Variants in PCDHB10 observed in about 807,000 individuals in gnomAD.
PCDHB10 encodes the protein protocadherin beta 10, also known as protocadherin beta-10.
For missense variants in PCDHB10, 1,046 were observed against 1,004.7 expected, an observed-to-expected ratio of 1.04 and a Z score of -0.56; for synonymous variants, 448 against 449.2, an observed-to-expected ratio of 1.00 and a Z score of 0.04.
rs1554284043 is a variant in PCDHB10 at position 141,193,358 on chromosome 5, T to C, written c.806T>C (p.Val269Ala). The C allele has an allele frequency of 4.3e-6, 7 of 1,614,086 alleles. No individual in the cohort carries two copies. Among genetic ancestry groups the C allele is most frequent in the Non-Finnish European group, 5.9e-6 (7 of 1,180,048 alleles). ...ATTGTTAAGGTATGGGCAGAAGATG[T>C]AGACTCTGGAGTCAACGCGGAAGTA... is the stretch of plus-strand genomic sequence containing the variant. The part of the protein sequence containing the change: ...FLIVKVWAED[V>A]DSGVNAEVSY... The change falls in exon 1 of 1, where the codon GTA becomes GCA. Residue 269 changes from valine (V) to alanine (A), a missense_variant. Physicochemically the swap from Val to Ala is moderately conservative, Grantham distance 64 (BLOSUM62 0). Coordinates refer to ENST00000239446, the MANE Select transcript of PCDHB10 (RefSeq NM_018930.4).
Position 141,194,686 on chromosome 5 carries a change from G to T in PCDHB10, c.2134G>T (p.Ala712Ser), listed in dbSNP as rs782531519. Residue 712 changes from alanine (A) to serine (S), a missense_variant, in exon 1 of 1, where the codon GCG becomes TCG. Coordinates refer to ENST00000239446, the MANE Select transcript of PCDHB10 (RefSeq NM_018930.4). ...LFLLSVLLFVAVRLCRRSRAA... is the reference protein window; with the variant it reads ...LFLLSVLLFVSVRLCRRSRAA... ...CCTCCTCTCGGTGCTCCTGTTCGTG[G>T]CGGTGCGGCTGTGCAGGAGGAGCAG... The T allele has an allele frequency of 2.1e-5, 34 of 1,607,628 alleles. No individual in the cohort carries two copies. The Admixed American group carries it at 2.2e-4, about 10-fold the overall frequency.
At position 141,194,212 on chromosome 5, in the gene PCDHB10, G is replaced by A. The variant is rs371890899; in HGVS notation, c.1660G>A (p.Ala554Thr). ...GCTGGTGCGCGTGCTGGTGCTGGAC[G>A]CCAACGACAACTCGCCCTTCGTGCT... ...EALVRVLVLD[A>T]NDNSPFVLYP... The change falls in exon 1 of 1, where the codon GCC (alanine) becomes ACC (threonine). Residue 554 changes from alanine to threonine, a missense_variant. Coordinates refer to ENST00000239446, the MANE Select transcript of PCDHB10 (RefSeq NM_018930.4). The A allele has an allele frequency of 6.5e-5, 105 of 1,603,588 alleles. 1 individual carries two copies. The highest frequency in any genetic ancestry group is 4.5e-4 in the Middle Eastern group (2 of 4,424).
chr5:141,193,556 T>G lies in PCDHB10; in HGVS notation c.1004T>G (p.Val335Gly). The G allele has an allele frequency of 6.2e-7, 1 of 1,614,166 alleles. No individual in the cohort carries two copies. The highest frequency in any genetic ancestry group is 1.1e-5 in the South Asian group (1 of 91,084). The change falls in exon 1 of 1, where the codon GTG becomes GGG. Residue 335 changes from valine to glycine, a missense_variant. Coordinates refer to ENST00000239446, the MANE Select transcript of PCDHB10 (RefSeq NM_018930.4). ...CTTTCTGCAAGATGTAGGGTTTTAG[T>G]GGAAGTATTGGACACCAATGACAAT... The part of the protein sequence containing the change: ...GGLSARCRVL[V>G]EVLDTNDNPP...
chr5:141,192,466 C>T lies in PCDHB10; in HGVS notation c.-87C>T. 2.0e-6 allele frequency: 3 copies of T among 1,508,190 alleles called. No homozygotes were observed. The highest frequency in any genetic ancestry group is 2.2e-5 in the Admixed American group (1 of 46,502). The allele number at this position is 1,508,190 out of a possible 1,614,324, so 93.4% of individuals were successfully genotyped here. On this transcript the variant is annotated 5_prime_UTR_variant, in exon 1 of 1. It adds an upstream start codon to the 5' untranslated region. Coordinates refer to ENST00000239446, the MANE Select transcript of PCDHB10 (RefSeq NM_018930.4). ...GGACAAAAAAGACCCCTGGGCTACACGGCGTAGGTGCAGGGTTTCCTACTG... is the reference window on the plus strand; with the variant it reads ...GGACAAAAAAGACCCCTGGGCTACATGGCGTAGGTGCAGGGTTTCCTACTG...
At position 141,194,437 on chromosome 5, in the gene PCDHB10, C is replaced by T. The variant is rs1554284403; in HGVS notation, c.1885C>T (p.Leu629=). The T allele has an allele frequency of 1.2e-6, 2 of 1,603,888 alleles. No homozygotes were observed. The highest frequency in any genetic ancestry group is 4.5e-5 in the East Asian group (2 of 44,786). ...AHNGEVRTAR[L]LSERDAAKHR... ...CAATGGGGAGGTGCGCACCGCCAGG[C>T]TGCTGAGCGAGCGCGACGCAGCCAA... The change falls in exon 1 of 1, where the codon CTG becomes TTG. Residue 629 remains leucine (L), a synonymous_variant. Transcript: ENST00000239446.
At position 141,192,693 on chromosome 5, in the gene PCDHB10, T is replaced by C. The variant is rs1238784105; in HGVS notation, c.141T>C (p.Asn47=). ...EETEKGSFVV[N]LAKDLGLAEG... ...CAGAGAAAGGATCCTTTGTGGTCAATCTGGCAAAGGATCTGGGACTAGCAG... is the reference window on the plus strand; with the variant it reads ...CAGAGAAAGGATCCTTTGTGGTCAACCTGGCAAAGGATCTGGGACTAGCAG... The change falls in exon 1 of 1, where the codon AAT becomes AAC. Residue 47 remains asparagine, a synonymous_variant. Coordinates refer to ENST00000239446, the MANE Select transcript of PCDHB10 (RefSeq NM_018930.4). 3.7e-6 allele frequency: 6 copies of C among 1,613,702 alleles called. No homozygotes were observed. The highest frequency in any genetic ancestry group is 5.1e-6 in the Non-Finnish European group (6 of 1,179,928).
Position 141,194,856 on chromosome 5 carries a change from C to T in PCDHB10, c.2304C>T (p.Phe768=). The T allele has an allele frequency of 6.2e-7, 1 of 1,614,184 alleles. No individual in the cohort carries two copies. Among genetic ancestry groups the T allele is most frequent in the South Asian group, 1.1e-5 (1 of 91,088 alleles). The change falls in exon 1 of 1, where the codon TTC becomes TTT. Residue 768 remains phenylalanine (F), a synonymous_variant. Coordinates refer to ENST00000239446, the MANE Select transcript of PCDHB10 (RefSeq NM_018930.4). ...TGGPGTSEFK[F]LKPVISDIQA... ...GCCCCGGGACCAGTGAGTTCAAGTTCTTGAAACCAGTTATTTCGGATATTC... is the reference window on the plus strand; with the variant it reads ...GCCCCGGGACCAGTGAGTTCAAGTTTTTGAAACCAGTTATTTCGGATATTC...
rs540046351 is a variant in PCDHB10, at chr5:141,192,884, A to T, written c.332A>T (p.Asp111Val). The change falls in exon 1 of 1, where the codon GAT becomes GTT. Residue 111 changes from aspartate to valine, a missense_variant. Coordinates refer to ENST00000239446, the MANE Select transcript of PCDHB10 (RefSeq NM_018930.4). ...ATGCTGTATTTCCAAATTTTAATGG[A>T]TGATCCCTTTCAGATTTACCGGGCT... ...PCMLYFQILM[D>V]DPFQIYRAEL... 5 of 1,613,948 alleles carry T rather than the reference A, an allele frequency of 3.1e-6. No homozygotes were observed. The African/African-American group carries it at 6.7e-5, about 22-fold the overall frequency.
chr5:141,193,751 T>C lies in PCDHB10; in HGVS notation c.1199T>C (p.Phe400Ser), dbSNP rs149660734. Residue 400 changes from phenylalanine (F) to serine (S), a missense_variant, in exon 1 of 1, where the codon TTT becomes TCT. Transcript: ENST00000239446. Reference sequence around the variant, plus strand: ...CTACTAAAACCTTCTGTGGAGAATTTTTACATCCTAATTACAGAAGGCGCG... The same window carrying C: ...CTACTAAAACCTTCTGTGGAGAATTCTTACATCCTAATTACAGAAGGCGCG... ...PFLLKPSVEN[F>S]YILITEGALD... 1.1e-5 allele frequency: 17 copies of C among 1,614,126 alleles called. No homozygotes were observed. The African/African-American group carries it at 2.1e-4, about 20-fold the overall frequency.
chr5:141,193,856 AC>A lies in PCDHB10; in HGVS notation c.1305del (p.His435GlnfsTer3), dbSNP rs1554284186. ...DLGTPRLKTE[H>X]NITVLVSDVN... ...GGGACACCCAGGCTGAAAACCGAGC[AC>A]AACATAACGGTCCTGGTCTCCGACG... On this transcript the variant is annotated frameshift_variant, in exon 1 of 1. Coordinates refer to ENST00000239446, the MANE Select transcript of PCDHB10 (RefSeq NM_018930.4). LOFTEE classifies it low-confidence loss of function (END_TRUNC). The A allele has an allele frequency of 5.0e-6, 8 of 1,613,932 alleles. No individual in the cohort carries two copies. Among genetic ancestry groups the A allele is most frequent in the Middle Eastern group, 1.6e-4 (1 of 6,074 alleles).
Position 141,194,925 on chromosome 5 carries a change from C to G in PCDHB10, c.2373C>G (p.Phe791Leu), listed in dbSNP as rs1554284568. The G allele has an allele frequency of 3.7e-6, 6 of 1,611,472 alleles. No homozygotes were observed. Among genetic ancestry groups the G allele is most frequent in the African/African-American group, 1.3e-5 (1 of 74,912 alleles). The change falls in exon 1 of 1, where the codon TTC becomes TTG. Residue 791 changes from phenylalanine to leucine, a missense_variant. Transcript: ENST00000239446. Reference sequence around the variant, plus strand: ...GGAAGGGTGAAGAAAATTCCACCTTCCGAAATAGCTTTGGATTTAATATTC... The same window carrying G: ...GGAAGGGTGAAGAAAATTCCACCTTGCGAAATAGCTTTGGATTTAATATTC... The part of the protein sequence containing the change: ...PGRKGEENST[F>L]RNSFGFNIQ
Position 141,194,770 on chromosome 5 carries a change from G to A in PCDHB10, c.2218G>A (p.Asp740Asn), listed in dbSNP as rs1463035574. The change falls in exon 1 of 1, where the codon GAC becomes AAC. Residue 740 changes from aspartate to asparagine, a missense_variant. By Grantham distance (23) the Asp-to-Asn change is conservative. Transcript: ENST00000239446. ...GGGTCCTTTTCCAGGGCATCTGGTG[G>A]ACGTGAGGGGCGCTGAGACCCTGTC... ...PEGPFPGHLVDVRGAETLSQS... is the reference protein window; with the variant it reads ...PEGPFPGHLVNVRGAETLSQS... The A allele has an allele frequency of 1.2e-6, 2 of 1,613,984 alleles. No individual in the cohort carries two copies. Among genetic ancestry groups the A allele is most frequent in the Admixed American group, 3.3e-5 (2 of 60,004 alleles).
Position 141,192,384 on chromosome 5 carries a change from C to A in PCDHB10, c.-169C>A. 3.7e-6 allele frequency: 3 copies of A among 809,266 alleles called. No homozygotes were observed. The highest frequency in any genetic ancestry group is 5.8e-6 in the Non-Finnish European group (3 of 513,794). 50.1% of individuals were successfully genotyped at this position (809,266 alleles called of 1,614,324 possible). ...TATGCAAGTCACTAATAAAGGAAGA[C>A]ACGGACAGATGAACTTAAAAGAGAA... On this transcript the variant is annotated 5_prime_UTR_variant, in exon 1 of 1. Coordinates refer to ENST00000239446, the MANE Select transcript of PCDHB10 (RefSeq NM_018930.4).
chr5:141,193,105 G>T lies in PCDHB10; in HGVS notation c.553G>T (p.Gly185Cys). 1 of 1,614,132 alleles carries T rather than the reference G, an allele frequency of 6.2e-7. No individual in the cohort carries two copies. The highest frequency in any genetic ancestry group is 8.5e-7 in the Non-Finnish European group (1 of 1,180,032). Reference sequence around the variant, plus strand: ...TTTTTTCCATATTAACATTAGTGGCGGTGATGAAGGCATGATATATCCAGA... The same window carrying T: ...TTTTTTCCATATTAACATTAGTGGCTGTGATGAAGGCATGATATATCCAGA... ...NSFFHINISG[G>C]DEGMIYPELV... Residue 185 changes from glycine (G) to cysteine (C), a missense_variant, in exon 1 of 1, where the codon GGT becomes TGT. Transcript: ENST00000239446.
rs782285268 is a variant in PCDHB10, at chr5:141,194,637, G to A, written c.2085G>A (p.Ala695=). The change falls in exon 1 of 1, where the codon GCG becomes GCA. Residue 695 remains alanine, a synonymous_variant. Transcript: ENST00000239446. The part of the protein sequence containing the change: ...ADLLTVYLVV[A]LASVSSLFLL... ...TGCTCACCGTCTACCTGGTGGTGGC[G>A]TTGGCCTCGGTGTCTTCGCTCTTCC... 6 of 1,600,360 alleles carry A rather than the reference G, an allele frequency of 3.7e-6. No homozygotes were observed. The Admixed American group carries it at 5.0e-5, about 13-fold the overall frequency.
Position 141,194,946 on chromosome 5 carries a change from T to C in PCDHB10, c.2394T>C (p.Asn798=), listed in dbSNP as rs1554284573. 1 of 1,601,412 alleles carries C rather than the reference T, an allele frequency of 6.2e-7. No homozygotes were observed. The highest frequency in any genetic ancestry group is 8.5e-7 in the Non-Finnish European group (1 of 1,172,220). Residue 798 remains asparagine (N), a synonymous_variant, in exon 1 of 1, where the codon AAT becomes AAC. Coordinates refer to ENST00000239446, the MANE Select transcript of PCDHB10 (RefSeq NM_018930.4). The stretch of plus-strand genomic sequence containing the variant: ...CCTTCCGAAATAGCTTTGGATTTAA[T>C]ATTCAGTAAAGTCTGTTTTTAGTTT... ...NSTFRNSFGF[N]IQ is the part of the protein sequence containing the mutation.
At position 141,193,817 on chromosome 5, in the gene PCDHB10, C is replaced by T. The variant is rs1358381709; in HGVS notation, c.1265C>T (p.Thr422Ile). ...EIRAEYNITITVTDLGTPRLK... is the reference protein window; with the variant it reads ...EIRAEYNITIIVTDLGTPRLK... ...AGAGCCGAGTACAACATCACTATCACCGTCACTGACTTGGGGACACCCAGG... is the reference window on the plus strand; with the variant it reads ...AGAGCCGAGTACAACATCACTATCATCGTCACTGACTTGGGGACACCCAGG... Residue 422 changes from threonine (T) to isoleucine (I), a missense_variant, in exon 1 of 1, where the codon ACC (threonine) becomes ATC (isoleucine). By Grantham distance (89) the Thr-to-Ile change is moderately conservative. Transcript: ENST00000239446. The T allele has an allele frequency of 1.2e-6, 2 of 1,614,200 alleles. No homozygotes were observed. The highest frequency in any genetic ancestry group is 2.2e-5 in the East Asian group (1 of 44,876).
Position 141,194,172 on chromosome 5 carries a change from G to A in PCDHB10, c.1620G>A (p.Ala540=), listed in dbSNP as rs17844581. ...RVGATDRGSP[A]LSREALVRVL... The stretch of plus-strand genomic sequence containing the variant: ...GCGCCACAGACCGCGGCTCCCCCGC[G>A]CTGAGCAGAGAGGCGCTGGTGCGCG... The change falls in exon 1 of 1, where the codon GCG becomes GCA. Residue 540 remains alanine, a synonymous_variant. Coordinates refer to ENST00000239446, the MANE Select transcript of PCDHB10 (RefSeq NM_018930.4). 9 of 1,604,066 alleles carry A rather than the reference G, an allele frequency of 5.6e-6. No individual in the cohort carries two copies. In the South Asian group the frequency reaches 7.7e-5, roughly 14 times the overall value.
In PCDHB10 at chr5:141,194,557, C is replaced by T; in HGVS notation, c.2005C>T (p.Pro669Ser). ...GCTCCTGGTGGACGGCTTCTCCCAG[C>T]CCTACCTGCCTCTCCCGGAGGCGGC... ...HLLLVDGFSQ[P>S]YLPLPEAAPA... Residue 669 changes from proline (P) to serine (S), a missense_variant, in exon 1 of 1, where the codon CCC (proline) becomes TCC (serine). Coordinates refer to ENST00000239446, the MANE Select transcript of PCDHB10 (RefSeq NM_018930.4). 1 of 1,576,772 alleles carries T rather than the reference C, an allele frequency of 6.3e-7. No individual in the cohort carries two copies. The highest frequency in any genetic ancestry group is 8.6e-7 in the Non-Finnish European group (1 of 1,165,592).
Sources: allele counts gnomAD v4.1 joint callset, GRCh38; gene constraint gnomAD v4.1.1; transcripts MANE v1.5; gene names NCBI Gene and HGNC (gene_info 2026-07-23, HGNC 2026-07-21).